MAPK10: variants seen among roughly 807,000 people sequenced by gnomAD.
MAPK10 encodes the protein JNK3 alpha protein kinase.
In MAPK10, 25 loss-of-function variants were observed where a neutral mutation model predicts 59.3. The ratio of observed to expected loss-of-function variants is 0.42; its 90% CI spans 0.31 to 0.59. The LOEUF is 0.59. Ranked by LOEUF, MAPK10 falls within the 20% of genes least tolerant of loss-of-function variation. The pLI is 0.15. For missense variants in MAPK10, 351 were observed against 568.9 expected (o/e 0.62, Z 3.90); for synonymous variants, 190 against 200.5 (o/e 0.95, Z 0.44).
chr4:86,063,071 T>C (rs2046028159), intron 11 of MAPK10, among the ~76,000 whole-genome samples: 1 of 152,182 alleles, frequency 6.6e-6, no homozygotes. Context: ...ACTTGGGAGA[T>C]TCATTAATCA....
At chr4:86,358,123 A>G in intron 1 of MAPK10, 1 of 985,438 alleles carries the variant, frequency 1.0e-6, no homozygotes, top group Non-Finnish European at 1.2e-6. Flanking sequence ...CCAGCCCCTA[A>G]AATCTAATGG....
At chr4:86,568,284 G>T (rs1234647997) in intron 1 of MAPK10, among the ~76,000 whole-genome samples, 2 of 152,044 alleles carry the variant, frequency 1.3e-5, no homozygotes, top group African/African-American at 2.4e-5. Context: ...ACTGCTGAAA[G>T]AAATCATAGA....
At chr4:86,581,917 A>ATATATATAT (rs1554284943) in intron 1 of MAPK10, among the ~76,000 whole-genome samples, 46 of 59,116 alleles carry the variant, frequency 7.8e-4, no homozygotes, top group South Asian at 1.8e-3. Context: ...ATATATATAT[A>ATATATATAT]TATATATATA....
chr4:86,182,431 G>A (rs1372390986), intron 3 of MAPK10, among the ~76,000 whole-genome samples: 2 of 152,130 alleles, frequency 1.3e-5, no homozygotes, highest in South Asian at 4.1e-4. Flanking sequence ...AGGCTCAAGA[G>A]ACTGGAATTC....
Position 86,178,810 on chromosome 4 carries a change from G to T in MAPK10, c.66+15526C>A, listed in dbSNP as rs186063372. On this transcript the variant is annotated intron_variant, in intron 3 of 13. Coordinates refer to ENST00000641462, the MANE Select transcript of MAPK10 (RefSeq NM_138982.4). ...TAAAGACTCTACTAAAAAACCCTTAGAAGTAACAAAACAAATTCAATAAAA... is the reference window on the plus strand; with the variant it reads ...TAAAGACTCTACTAAAAAACCCTTATAAGTAACAAAACAAATTCAATAAAA... Among the ~76,000 whole-genome samples, 265 of 152,262 alleles carry T rather than the reference G, an allele frequency of 1.7e-3. 2 individuals are homozygous for T. Among genetic ancestry groups the T allele is most frequent in the Non-Finnish European group, 2.9e-3 (194 of 68,012 alleles).
At chr4:86,256,853 G>T (rs930953639) in intron 2 of MAPK10, among the ~76,000 whole-genome samples, 3 of 147,340 alleles carry the variant, frequency 2.0e-5, no homozygotes, top group Non-Finnish European at 4.4e-5. Context: ...CCATTCTCCT[G>T]CTTCAGCCTC....
intron 3 of MAPK10, among the ~76,000 whole-genome samples, chr4:86,188,202 A>G (rs1219972932): frequency 6.6e-6 from 1 of 152,160 alleles, no homozygotes; most frequent in African/African-American, 2.4e-5. Context: ...GTGCCACTAT[A>G]AACATACCTG....
chr4:86,455,626 C>T (rs1347736318), upstream of MAPK10, among the ~76,000 whole-genome samples: 1 of 152,146 alleles, frequency 6.6e-6, no homozygotes, highest in Non-Finnish European at 1.5e-5. Flanking sequence ...AATATAAATG[C>T]ACCTAACACT....
intron 2 of MAPK10, among the ~76,000 whole-genome samples, chr4:86,295,444 G>A (rs941744098): frequency 6.6e-6 from 1 of 151,930 alleles, no homozygotes; most frequent in Non-Finnish European, 1.5e-5. Context: ...ACATTTTATG[G>A]ATGTAATTTT....
chr4:86,205,192 A>G (rs2083531020), intron 2 of MAPK10, among the ~76,000 whole-genome samples: 1 of 152,050 alleles, frequency 6.6e-6, no homozygotes. Flanking sequence ...GAGAGCTAGT[A>G]TCTTATATTA....
intron 2 of MAPK10, among the ~76,000 whole-genome samples, chr4:86,239,809 C>T (rs1583346074): frequency 1.3e-5 from 2 of 150,100 alleles, no homozygotes; most frequent in African/African-American, 4.9e-5. Context: ...AAAAACAGAT[C>T]CTGGATTCAT....
intron 11 of MAPK10, chr4:86,032,081 A>C (rs1283713079): frequency 1.3e-5 from 2 of 152,208 alleles, no homozygotes; most frequent in Admixed American, 6.5e-5. Flanking sequence ...GAGGTAGGTC[A>C]CCTTGAATCC....
chr4:86,118,216 C>T (rs768734122), intron 4 of MAPK10, among the ~76,000 whole-genome samples: 21 of 152,156 alleles, frequency 1.4e-4, no homozygotes, highest in South Asian at 2.1e-4. Context: ...ATCATTGATG[C>T]GGTACAGTCA....
At chr4:86,052,013 T>A (rs1293880755) in intron 11 of MAPK10, among the ~76,000 whole-genome samples, 1 of 152,146 alleles carries the variant, frequency 6.6e-6, no homozygotes. Context: ...ACAGTGGCTA[T>A]TAATTTCTAT....
At chr4:86,523,513 A>T (rs1757268591) in intron 1 of MAPK10, among the ~76,000 whole-genome samples, 1 of 152,224 alleles carries the variant, frequency 6.6e-6, no homozygotes, top group Non-Finnish European at 1.5e-5. Flanking sequence ...GCAAGAGTTA[A>T]GGGGAAATTT....
intron 10 of MAPK10, among the ~76,000 whole-genome samples, chr4:86,065,761 C>T (rs892924057): frequency 6.6e-6 from 1 of 151,826 alleles, no homozygotes; most frequent in Non-Finnish European, 1.5e-5. Context: ...AAAGTTGAAC[C>T]GTGAAAATAT....
upstream of MAPK10, among the ~76,000 whole-genome samples, chr4:86,364,001 C>T (rs895152799): frequency 4.6e-5 from 7 of 152,126 alleles, no homozygotes; most frequent in African/African-American, 1.7e-4. Context: ...AGGCTGATCT[C>T]GAATTCCTGA....
At chr4:86,121,824 C>T (rs1561971797) in intron 4 of MAPK10, among the ~76,000 whole-genome samples, 1 of 152,114 alleles carries the variant, frequency 6.6e-6, no homozygotes, top group African/African-American at 2.4e-5. Flanking sequence ...CTTATTTCTC[C>T]TGTCAAACTG....
chr4:86,432,840 G>A (rs1320803352), intron 1 of MAPK10, among the ~76,000 whole-genome samples: 2 of 152,110 alleles, frequency 1.3e-5, no homozygotes, highest in Admixed American at 1.3e-4. Context: ...TGACTCACAG[G>A]GATCAATGGA....
Sources: gnomAD v4.1 joint callset for allele counts (sites outside exome capture counted in the v4.1 genomes callset) on GRCh38, gnomAD v4.1.1 for gene constraint, MANE v1.5 for transcripts, NCBI Gene and HGNC (gene_info 2026-07-23, HGNC 2026-07-21) for gene names.